MAF: variants seen among roughly 807,000 people sequenced by gnomAD.
MAF encodes transcription factor Maf.
In MAF, 10 loss-of-function variants were observed where a neutral mutation model predicts 22.0. The ratio of observed to expected loss-of-function variants is 0.45; its 90% CI spans 0.28 to 0.77. The LOEUF (loss-of-function observed/expected upper bound fraction) is 0.77. Among genes scored for constraint, MAF ranks in the 30% least tolerant of loss-of-function variants. MAF has a pLI of 0.12. For missense variants in MAF, 544 were observed against 548.4 expected (o/e 0.99, Z 0.08); for synonymous variants, 337 against 255.8 (o/e 1.32, Z -3.03).
the MAF span, among the ~76,000 whole-genome samples, chr16:79,531,848 G>T: frequency 6.6e-6 from 1 of 151,856 alleles, no homozygotes; most frequent in Non-Finnish European, 1.5e-5. Flanking sequence ...GGGGACCCCT[G>T]CTTGAAAAGA....
At chr16:79,556,606 A>C in the MAF span, among the ~76,000 whole-genome samples, 27 of 152,334 alleles carry the variant, frequency 1.8e-4, no homozygotes, top group African/African-American at 6.5e-4. Flanking sequence ...AATTATGGGG[A>C]CAAGGGTTGA....
the MAF span, among the ~76,000 whole-genome samples, chr16:79,230,607 C>G: frequency 2.0e-5 from 3 of 152,102 alleles, no homozygotes; most frequent in African/African-American, 7.2e-5. Flanking sequence ...CTCTCCATGT[C>G]TGCAAAGTTG....
chr16:79,309,877 G>A, the MAF span, among the ~76,000 whole-genome samples: 1 of 152,136 alleles, frequency 6.6e-6, no homozygotes, highest in Non-Finnish European at 1.5e-5. Context: ...CTTGCAAAAT[G>A]GAAATAAAAA....
the MAF span, among the ~76,000 whole-genome samples, chr16:79,459,863 C>G: frequency 6.6e-6 from 1 of 152,144 alleles, no homozygotes; most frequent in African/African-American, 2.4e-5. Context: ...TGTGCCTGGC[C>G]TATTCTCACT....
At chr16:79,463,107 G>T in the MAF span, among the ~76,000 whole-genome samples, 3 of 152,154 alleles carry the variant, frequency 2.0e-5, no homozygotes, top group African/African-American at 7.2e-5. Flanking sequence ...CGAGGCAGAA[G>T]GAAAAGCAAA....
the MAF span, among the ~76,000 whole-genome samples, chr16:79,574,078 G>C: frequency 6.6e-6 from 1 of 152,198 alleles, no homozygotes; most frequent in Admixed American, 6.5e-5. Flanking sequence ...AATGAGGCGT[G>C]AACTTCACGC....
chr16:79,396,200 G>A, the MAF span, among the ~76,000 whole-genome samples: 38 of 152,160 alleles, frequency 2.5e-4, no homozygotes, highest in Admixed American at 3.3e-4. Context: ...TGAGGGGTGA[G>A]GGTGCCAGGA....
At chr16:79,230,599 CT>C in the MAF span, among the ~76,000 whole-genome samples, 2 of 152,110 alleles carry the variant, frequency 1.3e-5, no homozygotes, top group African/African-American at 2.4e-5. Flanking sequence ...CACTGTGCCT[CT>C]CCATGTCTGC....
At chr16:79,584,533 C>A (rs1436522179), downstream of MAF, among the ~76,000 whole-genome samples, 6 of 152,126 alleles carry the variant, frequency 3.9e-5, no homozygotes, top group Non-Finnish European at 7.3e-5. Context: ...GGGTAAGGAC[C>A]AGTGTGAACC....
At chr16:79,519,774 T>G in the MAF span, among the ~76,000 whole-genome samples, 1 of 152,254 alleles carries the variant, frequency 6.6e-6, no homozygotes, top group Non-Finnish European at 1.5e-5. Flanking sequence ...CTGAGCGTCC[T>G]CTGAACCCTG....
chr16:79,248,196 A>G, the MAF span, among the ~76,000 whole-genome samples: 1 of 151,210 alleles, frequency 6.6e-6, no homozygotes, highest in East Asian at 1.9e-4. Context: ...TTAACTACTC[A>G]TGGTTAAGCC....
the MAF span, among the ~76,000 whole-genome samples, chr16:79,360,798 A>G: frequency 2.6e-5 from 4 of 152,294 alleles, no homozygotes; most frequent in East Asian, 5.8e-4. Context: ...GGCCTGCCCT[A>G]CAGATAGGAT....
the MAF span, among the ~76,000 whole-genome samples, chr16:79,407,596 C>G: frequency 8.5e-5 from 13 of 152,128 alleles, 1 homozygote; most frequent in Admixed American, 8.5e-4. Flanking sequence ...TGGCACGACC[C>G]ATTAACAACA....
At chr16:79,596,897 T>C (rs1913561100) in intron 1 of MAF, 1 of 1,049,590 alleles carries the variant, frequency 9.5e-7, no homozygotes, top group African/African-American at 1.7e-5. Flanking sequence ...TTTTTTTTTG[T>C]ATTATATGCT....
At chr16:79,415,694 T>G in the MAF span, among the ~76,000 whole-genome samples, 12 of 151,844 alleles carry the variant, frequency 7.9e-5, no homozygotes, top group African/African-American at 2.7e-4. Flanking sequence ...TCCCTTCTGC[T>G]TGTGCCATAT....
the MAF span, among the ~76,000 whole-genome samples, chr16:79,298,105 G>T: frequency 6.6e-6 from 1 of 152,200 alleles, no homozygotes; most frequent in African/African-American, 2.4e-5. Context: ...ACCAAGGGCC[G>T]GGTGCCACTG....
the MAF span, chr16:79,203,830 G>C: frequency 6.7e-6 from 1 of 149,486 alleles, no homozygotes; most frequent in East Asian, 2.0e-4. Flanking sequence ...GGTGTAGATG[G>C]CGAATACAGA....
chr16:79,333,589 AT>A, the MAF span, among the ~76,000 whole-genome samples: 1 of 152,230 alleles, frequency 6.6e-6, no homozygotes, highest in Non-Finnish European at 1.5e-5. Flanking sequence ...TTCTATTAAA[AT>A]TTGATACTGA....
the MAF span, among the ~76,000 whole-genome samples, chr16:79,468,455 G>A: frequency 2.0e-5 from 3 of 152,378 alleles, no homozygotes; most frequent in South Asian, 4.1e-4. Context: ...AGTCCGTGGA[G>A]GGTGGGAGAC....
Sources: allele counts gnomAD v4.1 joint callset (sites outside exome capture counted in the v4.1 genomes callset), GRCh38; gene constraint gnomAD v4.1.1; transcripts MANE v1.5; gene names NCBI Gene and HGNC (gene_info 2026-07-23, HGNC 2026-07-21).